PARD3: variants seen among roughly 807,000 people sequenced by gnomAD.
PARD3 encodes the protein par-3 family cell polarity regulator.
In PARD3, 75 loss-of-function variants were observed where a neutral mutation model predicts 155.4. That is an observed-to-expected ratio of 0.48 (90% CI 0.40 to 0.58). The LOEUF (loss-of-function observed/expected upper bound fraction) is 0.58, where lower values mean the gene tolerates loss of function less well. Among genes scored for constraint, PARD3 ranks in the 20% least tolerant of loss-of-function variants. PARD3 has a pLI of 0.00. For synonymous variants in PARD3, 576 were observed against 610.5 expected (o/e 0.94, Z 0.83); for missense variants, 1,642 against 1,721.7 (o/e 0.95, Z 0.82).
At chr10:34,745,085 GT>G (rs1171983947) in intron 1 of PARD3, among the ~76,000 whole-genome samples, 1 of 152,196 alleles carries the variant, frequency 6.6e-6, no homozygotes, top group Non-Finnish European at 1.5e-5. Flanking sequence ...AACAAGGCTG[GT>G]TGTAGTGGCT....
intron 1 of PARD3, among the ~76,000 whole-genome samples, chr10:34,782,602 A>G (rs1207508990): frequency 6.6e-6 from 1 of 152,230 alleles, no homozygotes; most frequent in Non-Finnish European, 1.5e-5. Context: ...TCCTCTACAC[A>G]TAAAACACTG....
At chr10:34,258,872 C>T (rs984727496) in intron 22 of PARD3, among the ~76,000 whole-genome samples, 2 of 152,020 alleles carry the variant, frequency 1.3e-5, no homozygotes, top group East Asian at 1.9e-4. Context: ...ATAGCAAGAC[C>T]CTATGTCTAC....
rs1426930453 is a variant in PARD3, at chr10:34,347,955, C to A, written c.2218+10G>T. ...ATAAGATGTGATAAACAGAGTTTTA[C>A]CTGACTCACCCATTATCCTACTGAG... is the stretch of plus-strand genomic sequence containing the variant. On this transcript the variant is annotated intron_variant, in intron 15 of 24. Transcript: ENST00000374788. 1.9e-6 allele frequency: 3 copies of A among 1,604,536 alleles called. No individual in the cohort carries two copies. Among genetic ancestry groups the A allele is most frequent in the Non-Finnish European group, 8.5e-7 (1 of 1,175,132 alleles).
chr10:34,296,860 T>C (rs1433684939), intron 20 of PARD3, among the ~76,000 whole-genome samples: 1 of 152,188 alleles, frequency 6.6e-6, no homozygotes, highest in Non-Finnish European at 1.5e-5. Flanking sequence ...CATGTTCCTA[T>C]AATCCCAGAT....
intron 2 of PARD3, among the ~76,000 whole-genome samples, chr10:34,576,247 C>T (rs2086877518): frequency 6.6e-6 from 1 of 152,194 alleles, no homozygotes; most frequent in African/African-American, 2.4e-5. Context: ...AAATCCTAAA[C>T]AACATAATAC....
At chr10:34,264,412 T>C (rs1955189709) in intron 22 of PARD3, among the ~76,000 whole-genome samples, 1 of 152,160 alleles carries the variant, frequency 6.6e-6, no homozygotes, top group Admixed American at 6.5e-5. Context: ...TTCAGAACGG[T>C]TTTTGGCTTC....
intron 22 of PARD3, among the ~76,000 whole-genome samples, chr10:34,145,637 C>T (rs2132911657): frequency 6.6e-6 from 1 of 152,150 alleles, no homozygotes; most frequent in East Asian, 1.9e-4. Context: ...TTTCAATAGC[C>T]TCCTGTTCAT....
intron 1 of PARD3, among the ~76,000 whole-genome samples, chr10:34,811,818 G>T (rs1268105231): frequency 6.6e-6 from 1 of 152,146 alleles, no homozygotes; most frequent in African/African-American, 2.4e-5. Flanking sequence ...ACGCGTGTCA[G>T]GTCGCAAGCG....
rs1179400156 is a variant in PARD3 at position 34,359,223 on chromosome 10, C to G, written c.1991G>C (p.Arg664Thr). The part of the protein sequence containing the change: ...TNQDAMETLR[R>T]SMSTEGNKRG... ...TTTATTGCCTTCAGTAGACATAGACCTTCTTAGGGTTTCCATGGCATCTTG... is the reference window on the plus strand; with the variant it reads ...TTTATTGCCTTCAGTAGACATAGACGTTCTTAGGGTTTCCATGGCATCTTG... The change falls in exon 14 of 25, where the codon AGG becomes ACG. Residue 664 changes from arginine to threonine, a missense_variant. Coordinates refer to ENST00000374788, the MANE Select transcript of PARD3 (RefSeq NM_001184785.2). 1 of 1,613,752 alleles carries G rather than the reference C, an allele frequency of 6.2e-7. No individual in the cohort carries two copies. The highest frequency in any genetic ancestry group is 2.2e-5 in the East Asian group (1 of 44,850).
At chr10:34,671,855 T>C (rs2093615493) in intron 2 of PARD3, among the ~76,000 whole-genome samples, 1 of 79,896 alleles carries the variant, frequency 1.3e-5, no homozygotes, top group African/African-American at 9.0e-5. Flanking sequence ...TTTACAGTTT[T>C]AAAGATATAA....
intron 23 of PARD3, among the ~76,000 whole-genome samples, chr10:34,130,534 C>G (rs757418922): frequency 2.6e-5 from 4 of 152,178 alleles, no homozygotes; most frequent in African/African-American, 2.4e-5. Context: ...AACAGACTCA[C>G]TCTCAAGTCT....
chr10:34,281,075 C>G (rs1436320830), intron 21 of PARD3, among the ~76,000 whole-genome samples: 1 of 151,960 alleles, frequency 6.6e-6, no homozygotes, highest in Admixed American at 6.5e-5. Context: ...ACGTGTGATG[C>G]TTGGTCGACA....
chr10:34,239,140 T>C (rs932443847), intron 22 of PARD3, among the ~76,000 whole-genome samples: 18 of 152,242 alleles, frequency 1.2e-4, no homozygotes, highest in Non-Finnish European at 2.9e-5. Flanking sequence ...AAATCGAACA[T>C]TTTATTTAAG....
chr10:34,448,373 A>G (rs1188095590), intron 5 of PARD3, among the ~76,000 whole-genome samples: 1 of 152,058 alleles, frequency 6.6e-6, no homozygotes, highest in Non-Finnish European at 1.5e-5. Context: ...GATGGCAGTT[A>G]CCACAGGGAG....
At chr10:34,756,504 A>G (rs1268243723) in intron 1 of PARD3, among the ~76,000 whole-genome samples, 5 of 129,822 alleles carry the variant, frequency 3.9e-5, no homozygotes, top group Non-Finnish European at 8.0e-5. Flanking sequence ...AAAAAGAGTC[A>G]GCTCTGTTGC....
intron 22 of PARD3, among the ~76,000 whole-genome samples, chr10:34,173,477 T>G (rs1448912288): frequency 1.3e-5 from 2 of 152,186 alleles, no homozygotes; most frequent in Non-Finnish European, 2.9e-5. Context: ...AGGCTTGATG[T>G]AAATATTGTA....
At chr10:34,344,935 A>T (rs902681883) in intron 15 of PARD3, 37 of 985,430 alleles carry the variant, frequency 3.8e-5, no homozygotes, top group Non-Finnish European at 4.5e-5. Flanking sequence ...CCGACATATA[A>T]GGTAAGTTGG....
intron 3 of PARD3, among the ~76,000 whole-genome samples, chr10:34,496,236 C>T (rs1338881454): frequency 6.7e-6 from 1 of 150,190 alleles, no homozygotes; most frequent in South Asian, 2.1e-4. Context: ...AAAAAAGAAA[C>T]AAAAACAAAA....
intron 1 of PARD3, among the ~76,000 whole-genome samples, chr10:34,805,473 C>A (rs1843250695): frequency 6.6e-6 from 1 of 151,280 alleles, no homozygotes; most frequent in South Asian, 2.1e-4. Flanking sequence ...GTTGACTTGA[C>A]TATCATCTCT....
Sources: gnomAD v4.1 joint callset for allele counts (sites outside exome capture counted in the v4.1 genomes callset) on GRCh38, gnomAD v4.1.1 for gene constraint, MANE v1.5 for transcripts, NCBI Gene and HGNC (gene_info 2026-07-23, HGNC 2026-07-21) for gene names.